ALS2: variants seen among roughly 807,000 people sequenced by gnomAD.
ALS2 encodes the protein alsin Rho guanine nucleotide exchange factor ALS2.
In ALS2, 117 loss-of-function variants were observed where a neutral mutation model predicts 203.4. The ratio of observed to expected loss-of-function variants is 0.58; its 90% confidence interval spans 0.50 to 0.67. The LOEUF is 0.67. Among genes scored for constraint, ALS2 ranks in the 30% least tolerant of loss-of-function variants. The pLI, the probability that ALS2 is intolerant of heterozygous loss-of-function variation, is 0.00. For synonymous variants in ALS2, 718 were observed against 725.9 expected (o/e 0.99, Z 0.17); for missense variants, 1,715 against 1,989.4 (o/e 0.86, Z 2.62).
intron 19 of ALS2, 141 bp from the exon 20 acceptor site, chr2:201,725,595 T>G: frequency 1.3e-6 from 1 of 765,310 alleles, no homozygotes; most frequent in Admixed American, 1.9e-5. Context: ...AACAGCATCT[T>G]GGTTTAAGGT....
chr2:201,749,830 C>A, intron 7 of ALS2, 41 bp from the exon 8 acceptor site: 1 of 1,525,412 alleles, frequency 6.6e-7, no homozygotes, highest in East Asian at 2.3e-5. Context: ...CGTTGTGAAT[C>A]TGATTTTGCA....
At chr2:201,754,166 C>A (rs976800080) in intron 6 of ALS2, among the ~76,000 whole-genome samples, 1 of 152,096 alleles carries the variant, frequency 6.6e-6, no homozygotes, top group Non-Finnish European at 1.5e-5. Flanking sequence ...GAGCCCACCA[C>A]CATGCCCAGC....
At chr2:201,712,727 G>C (rs1690102565) in intron 25 of ALS2, among the ~76,000 whole-genome samples, 1 of 148,794 alleles carries the variant, frequency 6.7e-6, no homozygotes, top group South Asian at 2.1e-4. Flanking sequence ...AAAGAAGAAA[G>C]GCAGATGGAG....
At chr2:201,708,065 AT>A in intron 27 of ALS2, 74 bp from the exon 28 acceptor site, 1 of 1,425,310 alleles carries the variant, frequency 7.0e-7, no homozygotes, top group Non-Finnish European at 9.8e-7. Context: ...ACACATTTCC[AT>A]TAGTTATGAG....
intron 4 of ALS2, among the ~76,000 whole-genome samples, chr2:201,758,589 AAAGG>A (rs1410123440): frequency 1.3e-5 from 2 of 152,188 alleles, no homozygotes; most frequent in Admixed American, 1.3e-4. Context: ...TGTTCCCTAA[AAAGG>A]AAGGTCATTA....
intron 4 of ALS2, chr2:201,759,593 G>T (rs1452580358): frequency 1.0e-6 from 1 of 983,216 alleles, no homozygotes; most frequent in Non-Finnish European, 1.2e-6. Context: ...ATGCATTCTT[G>T]TTAAACTACT....
At chr2:201,744,914 C>T (rs572577993) in intron 9 of ALS2, among the ~76,000 whole-genome samples, 1 of 152,254 alleles carries the variant, frequency 6.6e-6, no homozygotes, top group East Asian at 1.9e-4. Flanking sequence ...TAAGAATTAA[C>T]CTGCCTTTTG....
intron 7 of ALS2, 21 bp from the exon 8 acceptor site, chr2:201,749,810 AG>A: frequency 6.2e-7 from 1 of 1,602,636 alleles, no homozygotes; most frequent in Non-Finnish European, 8.5e-7. Flanking sequence ...AACACAGAAA[AG>A]TAGCTAAGCG....
intron 16 of ALS2, 31 bp downstream of exon 16, chr2:201,727,673 CG>C: frequency 1.2e-6 from 1 of 866,706 alleles, no homozygotes; most frequent in Non-Finnish European, 1.6e-6. Flanking sequence ...CAGACTTGGA[CG>C]GGGTGGGGTG....
At position 201,754,572 on chromosome 2, in the gene ALS2, A is replaced by G. The variant is rs762144303; in HGVS notation, c.1571T>C (p.Leu524Pro). The G allele has an allele frequency of 1.2e-6, 2 of 1,614,108 alleles. No homozygotes were observed. Among genetic ancestry groups the G allele is most frequent in the Non-Finnish European group, 1.7e-6 (2 of 1,180,008 alleles). The change falls in exon 6 of 34, where the codon CTG becomes CCG. Residue 524 changes from leucine to proline, a missense_variant. Leu to Pro is a moderately conservative substitution (Grantham distance 98). Transcript: ENST00000264276. ...CCCCCAGGTCCACACTTCTGTTCTC[A>G]GAGAAGGCAGGAGCGCATCTGCTTC... ...SGEADALLPSLRTEVWTWGKG... is the reference protein window; with the variant it reads ...SGEADALLPSPRTEVWTWGKG...
chr2:201,764,634 A>AATAAAT (rs1455359706), intron 3 of ALS2, among the ~76,000 whole-genome samples: 1 of 142,202 alleles, frequency 7.0e-6, no homozygotes, highest in Non-Finnish European at 1.5e-5. Flanking sequence ...ACTCCGTCTC[A>AATAAAT]AAATAAATAA....
rs1694232440 is a variant in ALS2, at chr2:201,768,810, A to C, written c.20+56T>G. On this transcript the variant is annotated intron_variant, in intron 2 of 33. Transcript: ENST00000264276. ...ACTGAAGAGAAGCTACACATATGTG[A>C]AGCTGTTTGCTATGTTTTCCTAGGA... 8.0e-6 allele frequency: 12 copies of C among 1,497,084 alleles called. No homozygotes were observed. The South Asian group carries it at 1.0e-4, about 13-fold the overall frequency. The allele number at this position is 1,497,084 out of a possible 1,614,324, so 92.7% of individuals were successfully genotyped here. A position where few individuals can be genotyped will look rare whatever the true frequency, so the allele number is the denominator to read the frequency against.
At chr2:201,736,038 T>G (rs973902403) in intron 12 of ALS2, among the ~76,000 whole-genome samples, 1 of 152,104 alleles carries the variant, frequency 6.6e-6, no homozygotes, top group Non-Finnish European at 1.5e-5. Flanking sequence ...ATAGGTTAAC[T>G]AAGCTATTTT....
At chr2:201,725,214 G>A in intron 20 of ALS2, 142 bp downstream of exon 20, 1 of 712,248 alleles carries the variant, frequency 1.4e-6, no homozygotes, top group East Asian at 2.5e-5. Flanking sequence ...ATCACACAGA[G>A]TTTCAATTTT....
chr2:201,771,437 C>A (rs1694379159), intron 1 of ALS2, among the ~76,000 whole-genome samples: 1 of 152,072 alleles, frequency 6.6e-6, no homozygotes, highest in Admixed American at 6.6e-5. Flanking sequence ...TCCAATAGGG[C>A]AATGAAGAAA....
At chr2:201,727,651 C>T (rs1574708553) in intron 16 of ALS2, 54 bp downstream of exon 16, 2 of 1,267,990 alleles carry the variant, frequency 1.6e-6, no homozygotes, top group East Asian at 9.6e-5. Flanking sequence ...TTTAAGGAAG[C>T]AACCTGGGTA....
Position 201,766,836 on chromosome 2 carries a change from G to A in ALS2, c.175+393C>T, listed in dbSNP as rs1423895354. Among the ~76,000 whole-genome samples, 6 of 148,544 alleles carry A rather than the reference G, an allele frequency of 4.0e-5. No individual in the cohort carries two copies. In the South Asian group the frequency reaches 8.7e-4, roughly 21 times the overall value. ...AAACCATCGTTCTCAGCAAACTATC[G>A]CAAGGAGAAAAAAACAAACACCGCA... On this transcript the variant is annotated intron_variant, in intron 3 of 33. Transcript: ENST00000264276.
intron 11 of ALS2, among the ~76,000 whole-genome samples, chr2:201,740,660 A>G (rs956452838): frequency 3.9e-5 from 6 of 152,232 alleles, no homozygotes; most frequent in South Asian, 2.1e-4. Flanking sequence ...CAACAGCTTC[A>G]AATATTTTCA....
intron 21 of ALS2, 85 bp downstream of exon 21, chr2:201,724,210 A>T (rs1226195104): frequency 1.4e-6 from 2 of 1,435,146 alleles, no homozygotes; most frequent in African/African-American, 2.8e-5. Context: ...CATGAAAAAG[A>T]CAAAATAAGT....
Sources: gnomAD v4.1 joint callset for allele counts (sites outside exome capture counted in the v4.1 genomes callset) on GRCh38, gnomAD v4.1.1 for gene constraint, MANE v1.5 for transcripts, NCBI Gene and HGNC (gene_info 2026-07-23, HGNC 2026-07-21) for gene names.